The following COL4A1 variants were observed in gnomAD, a reference collection of about 807,000 sequenced individuals.
COL4A1 encodes collagen type IV alpha 1 chain.
Under a neutral mutation model 216.6 loss-of-function variants are expected in COL4A1, and 40 were observed. The ratio of observed to expected loss-of-function variants is 0.18; its 90% CI spans 0.14 to 0.24. The LOEUF (loss-of-function observed/expected upper bound fraction) is 0.24, where lower values mean the gene tolerates loss of function less well. Ranked by LOEUF, COL4A1 falls within the 10% of genes least tolerant of loss-of-function variation. COL4A1 has a pLI of 1.00. For synonymous variants in COL4A1, 839 were observed against 810.7 expected (o/e 1.03, Z -0.59); for missense variants, 1,628 against 2,196.8 (o/e 0.74, Z 5.18).
chr13:110,182,939 T>G (rs545766511), intron 28 of COL4A1, 54 bp downstream of exon 28: 1 of 1,534,800 alleles, frequency 6.5e-7, no homozygotes, highest in African/African-American at 1.4e-5. Flanking sequence ...ACCTCCTCTT[T>G]TCTCACAGAA....
intron 2 of COL4A1, among the ~76,000 whole-genome samples, chr13:110,215,531 A>G (rs1199046835): frequency 6.7e-6 from 1 of 149,080 alleles, no homozygotes; most frequent in Non-Finnish European, 1.5e-5. Flanking sequence ...ACTGCACTCT[A>G]GCCTGGGAGA....
chr13:110,252,429 ATATGTATAAT>A, intron 1 of COL4A1, among the ~76,000 whole-genome samples: 1 of 142,020 alleles, frequency 7.0e-6, no homozygotes, highest in African/African-American at 2.7e-5. Flanking sequence ...TATGTATTAT[ATATGTATAAT>A]TATACGTATA....
chr13:110,193,871 G>C (rs368578155), intron 22 of COL4A1, among the ~76,000 whole-genome samples: 24 of 152,332 alleles, frequency 1.6e-4, no homozygotes, highest in African/African-American at 5.1e-4. Flanking sequence ...CTAAGTTCTG[G>C]GCACTGGGGC....
At position 110,197,827 on chromosome 13, in the gene COL4A1, C is replaced by T. The variant is rs116570260; in HGVS notation, c.1285+640G>A. On this transcript the variant is annotated intron_variant, in intron 21 of 51. Coordinates refer to ENST00000375820, the MANE Select transcript of COL4A1 (RefSeq NM_001845.6). ...TGTTTCAGGGGCCCCACAGAGCACA[C>T]GTTGGTTTTGATCCAGCAGGTTCCA... Among the ~76,000 whole-genome samples the T allele has an allele frequency of 8.0e-3, 1,224 of 152,294 alleles. 17 individuals are homozygous for T. The highest frequency in any genetic ancestry group is 0.028 in the African/African-American group (1,165 of 41,562).
intron 36 of COL4A1, 102 bp downstream of exon 36, chr13:110,176,322 G>C: frequency 1.2e-6 from 1 of 823,312 alleles, no homozygotes; most frequent in South Asian, 1.4e-5. Context: ...ACACGTGCCT[G>C]GATTCTGTCC....
At position 110,205,475 on chromosome 13, in the gene COL4A1, A is replaced by C. The variant is rs1879460219; in HGVS notation, c.903+19T>G. 6.2e-7 allele frequency: 1 copy of C among 1,613,974 alleles called. No homozygotes were observed. Among genetic ancestry groups the C allele is most frequent in the Admixed American group, 1.7e-5 (1 of 59,990 alleles). On this transcript the variant is annotated intron_variant, in intron 16 of 51. Transcript: ENST00000375820. ...AGGAACAGTGAGCCTGCTTGTAAAA[A>C]CCACAGAGAAACACTTACGGGACTC...
chr13:110,151,265 C>T (rs1055395179), intron 51 of COL4A1, among the ~76,000 whole-genome samples: 6 of 151,900 alleles, frequency 3.9e-5, no homozygotes, highest in African/African-American at 1.4e-4. Flanking sequence ...ACCTAATTTG[C>T]TTTGGGAAAA....
intron 1 of COL4A1, among the ~76,000 whole-genome samples, chr13:110,284,321 T>A (rs1373494361): frequency 6.6e-6 from 1 of 152,210 alleles, no homozygotes; most frequent in African/African-American, 2.4e-5. Flanking sequence ...CAAGCATCTC[T>A]CTAACATCTG....
intron 23 of COL4A1, 78 bp from the exon 24 acceptor site, chr13:110,192,362 A>C: frequency 7.3e-7 from 1 of 1,372,282 alleles, no homozygotes; most frequent in Non-Finnish European, 1.0e-6. Flanking sequence ...TAAGACTCAA[A>C]AGCATAAAAA....
intron 45 of COL4A1, 83 bp downstream of exon 45, chr13:110,166,149 A>G (rs1241616069): frequency 2.3e-6 from 2 of 855,788 alleles, no homozygotes; most frequent in African/African-American, 3.3e-5. Flanking sequence ...TGAAAAACCA[A>G]ACACCCCAAT....
chr13:110,177,721 G>A (rs1877947194), intron 33 of COL4A1, 121 bp downstream of exon 33: 3 of 1,011,468 alleles, frequency 3.0e-6, no homozygotes, highest in Middle Eastern at 3.0e-4. Flanking sequence ...TCTGCTTGAT[G>A]TTCCTAACTT....
At chr13:110,263,594 C>T (rs1181379977) in intron 1 of COL4A1, among the ~76,000 whole-genome samples, 2 of 152,194 alleles carry the variant, frequency 1.3e-5, no homozygotes, top group East Asian at 3.8e-4. Context: ...GCTGGGACCA[C>T]AGGCGTGTAC....
chr13:110,187,775 C>T (rs1878466183), intron 24 of COL4A1, among the ~76,000 whole-genome samples: 1 of 152,162 alleles, frequency 6.6e-6, no homozygotes, highest in Non-Finnish European at 1.5e-5. Context: ...CTGCCTCAGC[C>T]CCACCGGCAG....
At position 110,207,337 on chromosome 13, in the gene COL4A1, C is replaced by T. The variant is rs1879565189; in HGVS notation, c.780+66G>A. ...GAAAAACTGAGTTTTGACCCATTTT[C>T]TCTTTATCTTTTGGAATTTGTCCAA... is the stretch of plus-strand genomic sequence containing the variant. On this transcript the variant is annotated intron_variant, in intron 13 of 51. Transcript: ENST00000375820. The surrounding 1 kb of genome is among the most constrained non-coding windows in gnomAD (Gnocchi z 4.4). 2 of 1,391,570 alleles carry T rather than the reference C, an allele frequency of 1.4e-6. No individual in the cohort carries two copies. The highest frequency in any genetic ancestry group is 2.3e-5 in the South Asian group (2 of 86,410). The allele number at this position is 1,391,570 out of a possible 1,614,324, so 86.2% of individuals were successfully genotyped here. A position where few individuals can be genotyped will look rare whatever the true frequency, so the allele number is the denominator to read the frequency against.
chr13:110,178,818 C>T, intron 31 of COL4A1, 105 bp downstream of exon 31: 1 of 836,862 alleles, frequency 1.2e-6, no homozygotes, highest in Non-Finnish European at 2.0e-6. Flanking sequence ...CTTTTTATCT[C>T]ATACATTGTG....
In COL4A1 at chr13:110,187,121, T is replaced by C; in HGVS notation, c.1728+17A>G. On this transcript the variant is annotated intron_variant, in intron 25 of 51. Coordinates refer to ENST00000375820, the MANE Select transcript of COL4A1 (RefSeq NM_001845.6). ...CACACTGTAAAATGCACATTCAAAG[T>C]CTGGAGATAAACATACCGGCGAGCC... is the stretch of plus-strand genomic sequence containing the variant. 1 of 1,613,854 alleles carries C rather than the reference T, an allele frequency of 6.2e-7. No individual in the cohort carries two copies. The highest frequency in any genetic ancestry group is 2.2e-5 in the East Asian group (1 of 44,874).
rs181845921 is a variant in COL4A1 at position 110,209,424 on chromosome 13, G to T, written c.619C>A (p.Pro207Thr). Reference protein sequence around the residue: ...GPPGFTGPPGPPGPPGPPGEK... With the variant: ...GPPGFTGPPGTPGPPGPPGEK... ...CCTGGAGGGCCGGGAGGGCCTGGGG[G>T]ACCCTGGGAGAGACAGCATTTTAAT... Residue 207 changes from proline (P) to threonine (T), a missense_variant, in exon 11 of 52, where the codon CCC (proline) becomes ACC (threonine). Pro to Thr is a conservative substitution (Grantham distance 38). Transcript: ENST00000375820. 1 of 1,604,466 alleles carries T rather than the reference G, an allele frequency of 6.2e-7. No homozygotes were observed. Among genetic ancestry groups the T allele is most frequent in the Non-Finnish European group, 8.5e-7 (1 of 1,176,082 alleles).
At chr13:110,273,140 T>G (rs925384828) in intron 1 of COL4A1, among the ~76,000 whole-genome samples, 27 of 152,246 alleles carry the variant, frequency 1.8e-4, no homozygotes, top group African/African-American at 6.0e-4. Context: ...AACTACCTAC[T>G]GGGCCTTTGG....
chr13:110,179,783 A>G (rs1271628020), intron 29 of COL4A1, among the ~76,000 whole-genome samples: 1 of 152,204 alleles, frequency 6.6e-6, no homozygotes, highest in African/African-American at 2.4e-5. Flanking sequence ...AATGCCAAAT[A>G]TGATTTGTGA....
Sources: allele counts gnomAD v4.1 joint callset (sites outside exome capture counted in the v4.1 genomes callset), GRCh38; gene constraint gnomAD v4.1.1; non-coding constraint Gnocchi (gnomAD v3.1); transcripts MANE v1.5; gene names NCBI Gene and HGNC (gene_info 2026-07-23, HGNC 2026-07-21).